PVT1: variants seen among roughly 807,000 people sequenced by gnomAD.
The protein encoded by PVT1 is CXCR4/PVT1 fusion.
intron 3 of PVT1, among the ~76,000 whole-genome samples, chr8:127,953,679 TG>T (rs1816535176): frequency 1.3e-5 from 2 of 152,212 alleles, no homozygotes; most frequent in African/African-American, 4.8e-5. Context: ...CTTGCAGAAT[TG>T]GGCTGAAACC....
chr8:127,831,035 T>C (rs1005628697), intron 2 of PVT1, among the ~76,000 whole-genome samples: 1 of 137,134 alleles, frequency 7.3e-6, no homozygotes, highest in Admixed American at 8.2e-5. Context: ...CTCCTCTTTA[T>C]ATACATACGT....
intron 4 of PVT1, among the ~76,000 whole-genome samples, chr8:128,022,481 G>A (rs933897286): frequency 2.6e-5 from 4 of 152,196 alleles, no homozygotes; most frequent in Admixed American, 2.0e-4. Flanking sequence ...CTCCACCTGG[G>A]TCAGGAAGGC....
intron 4 of PVT1, among the ~76,000 whole-genome samples, chr8:128,069,998 T>C (rs1813964546): frequency 6.6e-6 from 1 of 152,100 alleles, no homozygotes; most frequent in South Asian, 2.1e-4. Flanking sequence ...CCCTCCTCCA[T>C]AGGCAGCCAC....
At chr8:127,803,138 T>C (rs980493735) in intron 2 of PVT1, 4 of 145,336 alleles carry the variant, frequency 2.8e-5, no homozygotes, top group African/African-American at 7.7e-5. Context: ...TTTTTTTTTT[T>C]TTTTTTTTAA....
chr8:127,831,818 G>A (rs975433323), intron 2 of PVT1, among the ~76,000 whole-genome samples: 5 of 152,182 alleles, frequency 3.3e-5, no homozygotes, highest in African/African-American at 1.2e-4. Context: ...AACTTGGCAA[G>A]AGCGCCTCAT....
At chr8:128,014,639 A>C (rs1817351498) in intron 4 of PVT1, among the ~76,000 whole-genome samples, 1 of 152,228 alleles carries the variant, frequency 6.6e-6, no homozygotes. Context: ...CAGTGGGTAG[A>C]AAGAATGGGC....
intron 4 of PVT1, chr8:128,049,123 TC>T (rs1186026418): frequency 1.9e-6 from 1 of 523,874 alleles, no homozygotes; most frequent in African/African-American, 1.9e-5. Context: ...AGGAGCCCTT[TC>T]TTTTTCCTGG....
At chr8:127,882,052 T>C (rs1483112852) in intron 2 of PVT1, among the ~76,000 whole-genome samples, 1 of 152,242 alleles carries the variant, frequency 6.6e-6, no homozygotes, top group Non-Finnish European at 1.5e-5. Flanking sequence ...TTCTTTGTTT[T>C]ATTGAACAGA....
At chr8:128,062,298 A>G (rs987446069) in intron 4 of PVT1, among the ~76,000 whole-genome samples, 1 of 152,244 alleles carries the variant, frequency 6.6e-6, no homozygotes, top group Non-Finnish European at 1.5e-5. Flanking sequence ...ATCTATGAGG[A>G]GGAAGAAACC....
At chr8:128,063,987 T>TA (rs200507030) in intron 4 of PVT1, among the ~76,000 whole-genome samples, 2,777 of 151,404 alleles carry the variant, frequency 0.018, 79 homozygotes, top group African/African-American at 0.063. Context: ...ATCTGTGAAT[T>TA]AAAAAAAAAG....
chr8:127,830,281 A>T (rs1224612179), intron 2 of PVT1, among the ~76,000 whole-genome samples: 3 of 152,166 alleles, frequency 2.0e-5, no homozygotes, highest in Admixed American at 2.0e-4. Flanking sequence ...CTTGAAGAAG[A>T]TAGGAGCAAG....
At chr8:127,897,725 AAAG>A (rs1815700575) in intron 3 of PVT1, among the ~76,000 whole-genome samples, 1 of 151,580 alleles carries the variant, frequency 6.6e-6, no homozygotes, top group Non-Finnish European at 1.5e-5. Flanking sequence ...AAGAAGGAAG[AAAG>A]AAGGAAAGAA....
chr8:127,912,321 G>C (rs137935420), intron 3 of PVT1, among the ~76,000 whole-genome samples: 47 of 152,284 alleles, frequency 3.1e-4, no homozygotes, highest in African/African-American at 1.1e-3. Context: ...ATGTAACACA[G>C]GCAACCACCC....
intron 3 of PVT1, among the ~76,000 whole-genome samples, chr8:127,943,396 G>T (rs1257409950): frequency 2.0e-5 from 3 of 152,176 alleles, no homozygotes; most frequent in Admixed American, 6.5e-5. Flanking sequence ...TTATTGAATT[G>T]ATTAATAAAG....
chr8:127,799,751 G>C (rs897763826), intron 2 of PVT1, among the ~76,000 whole-genome samples: 1 of 152,220 alleles, frequency 6.6e-6, no homozygotes, highest in Non-Finnish European at 1.5e-5. Flanking sequence ...TGAGCACACA[G>C]TAAAAGGTAG....
At chr8:128,052,110 G>A (rs1287686032) in intron 4 of PVT1, among the ~76,000 whole-genome samples, 3 of 152,152 alleles carry the variant, frequency 2.0e-5, no homozygotes, top group African/African-American at 7.2e-5. Flanking sequence ...ATTTTGGGTG[G>A]ATTGGCTGGC....
At chr8:127,874,933 T>TGTGG (rs1189715651) in intron 2 of PVT1, among the ~76,000 whole-genome samples, 1 of 146,496 alleles carries the variant, frequency 6.8e-6, no homozygotes. Flanking sequence ...TGTGTGTGTG[T>TGTGG]GTGGGTGTGT....
intron 3 of PVT1, among the ~76,000 whole-genome samples, chr8:127,974,906 T>A (rs1164853822): frequency 6.6e-6 from 1 of 152,228 alleles, no homozygotes; most frequent in Non-Finnish European, 1.5e-5. Flanking sequence ...AGTCACTTTT[T>A]TTTAATCCTA....
At chr8:127,833,112 G>A (rs2129701710) in intron 2 of PVT1, among the ~76,000 whole-genome samples, 1 of 152,262 alleles carries the variant, frequency 6.6e-6, no homozygotes, top group East Asian at 1.9e-4. Context: ...TTGGGGCTCT[G>A]GTCTCAGCCT....
Sources: gnomAD v4.1 joint callset for allele counts (sites outside exome capture counted in the v4.1 genomes callset) on GRCh38, gnomAD v4.1.1 for gene constraint, MANE v1.5 for transcripts, NCBI Gene and HGNC (gene_info 2026-07-23, HGNC 2026-07-21) for gene names.